Variants in DMBX1 observed in about 807,000 individuals in gnomAD.
DMBX1 encodes the protein diencephalon/mesencephalon homeobox 1.
Under a neutral mutation model 30.4 loss-of-function variants are expected in DMBX1, and 7 were observed. That is an observed-to-expected ratio of 0.23 (90% confidence interval 0.13 to 0.43). The LOEUF (loss-of-function observed/expected upper bound fraction) is 0.43. DMBX1 is among the 20% of genes least tolerant of loss of function. The probability of loss-of-function intolerance (pLI) is 1.00; values close to 1 mark genes in which losing one functional copy is unlikely to be tolerated. For missense variants in DMBX1, 460 were observed against 508.5 expected (o/e 0.90, Z 0.92); for synonymous variants, 222 against 214.2 (o/e 1.04, Z -0.32).
At position 46,510,472 on chromosome 1, in the gene DMBX1, C is replaced by T. The variant is rs1293764682; in HGVS notation, c.155-4C>T. 17 of 1,613,478 alleles carry T rather than the reference C, an allele frequency of 1.1e-5. No homozygotes were observed. Among genetic ancestry groups the T allele is most frequent in the Non-Finnish European group, 1.4e-5 (16 of 1,179,876 alleles). The stretch of plus-strand genomic sequence containing the variant: ...CTTGCCCTCCAACGGCTGTACATTT[C>T]AAGACATCATCTTGGAGGCCCGTTA... On this transcript the variant is annotated splice_region_variant and splice_polypyrimidine_tract_variant and intron_variant, in intron 3 of 5. Transcript: ENST00000360032. This position sits in a 1 kb window ranked among gnomAD's most constrained non-coding sequence, Gnocchi z 4.1.
In DMBX1 at chr1:46,512,428, C is replaced by G; in HGVS notation, c.1068C>G (p.Ile356Met). 1.2e-6 allele frequency: 2 copies of G among 1,613,868 alleles called. No individual in the cohort carries two copies. Among genetic ancestry groups the G allele is most frequent in the Non-Finnish European group, 1.7e-6 (2 of 1,179,988 alleles). Residue 356 changes from isoleucine to methionine, a missense_variant, in exon 6 of 6, where the codon ATC becomes ATG. Coordinates refer to ENST00000360032, the MANE Select transcript of DMBX1 (RefSeq NM_172225.2). The surrounding 1 kb of genome is among the most constrained non-coding windows in gnomAD (Gnocchi z 4.8). ...CCCTGAACAGTAAAACCACAAGCAT[C>G]GAGAACCTGCGGCTCCGGGCCAAGC... ...SATLNSKTTS[I>M]ENLRLRAKQH...
At position 46,510,976 on chromosome 1, in the gene DMBX1, G is replaced by T. The variant is rs1289184464; in HGVS notation, c.375G>T (p.Gln125His). ...KNRRAKFRKK[Q>H]RSLQKEQLQK... ...GCCGGGCCAAGTTCCGGAAGAAGCA[G>T]CGTAGCCTGCAGAAGGAACAGCTCC... Residue 125 changes from glutamine to histidine, a missense_variant, in exon 5 of 6, where the codon CAG becomes CAT. Physicochemically the swap from Gln to His is conservative, Grantham distance 24. Coordinates refer to ENST00000360032, the MANE Select transcript of DMBX1 (RefSeq NM_172225.2). The surrounding 1 kb of genome is among the most constrained non-coding windows in gnomAD (Gnocchi z 4.1). 6.2e-7 allele frequency: 1 copy of T among 1,612,972 alleles called. No individual in the cohort carries two copies. Among genetic ancestry groups the T allele is most frequent in the African/African-American group, 1.3e-5 (1 of 75,026 alleles).
intron 2 of DMBX1, among the ~76,000 whole-genome samples, chr1:46,506,465 A>G (rs1469307299): frequency 6.6e-6 from 1 of 152,266 alleles, no homozygotes; most frequent in African/African-American, 2.4e-5. Context: ...TAAGTGTGTG[A>G]GTGAATCAAT....
In DMBX1 at chr1:46,491,102, AG is replaced by A. The variant is rs1343230306; in HGVS notation, c.-13+323del. ...GGTCACAAATTCCCGGAACCTGCGC[AG>A]GGGCTTCGTTGGCACTGGTGGTTCA... On this transcript the variant is annotated intron_variant, in intron 2 of 5. Transcript: ENST00000360032. The surrounding 1 kb of genome is among the most constrained non-coding windows in gnomAD (Gnocchi z 5.5). Among the ~76,000 whole-genome samples, 1 of 152,300 alleles carries A rather than the reference AG, an allele frequency of 6.6e-6. No homozygotes were observed. Among genetic ancestry groups the A allele is most frequent in the East Asian group, 1.9e-4 (1 of 5,164 alleles).
intron 2 of DMBX1, among the ~76,000 whole-genome samples, chr1:46,496,111 T>A (rs1666020171): frequency 6.6e-6 from 1 of 152,162 alleles, no homozygotes; most frequent in Admixed American, 6.5e-5. Context: ...TTTCTGCACC[T>A]TTGAGTGCCT....
chr1:46,515,619 G>A lies in DMBX1; in HGVS notation c.*3125G>A, dbSNP rs1331907302. On this transcript the variant is annotated 3_prime_UTR_variant, in exon 6 of 6. Coordinates refer to ENST00000360032, the MANE Select transcript of DMBX1 (RefSeq NM_172225.2). Reference sequence around the variant, plus strand: ...CTTGGGTACTGAAAGCAGCTGGAGAGCAAGAGGAGAGGACACCTGTGTCTC... The same window carrying A: ...CTTGGGTACTGAAAGCAGCTGGAGAACAAGAGGAGAGGACACCTGTGTCTC... Among the ~76,000 whole-genome samples the A allele has an allele frequency of 6.6e-6, 1 of 152,264 alleles. No homozygotes were observed. The highest frequency in any genetic ancestry group is 1.5e-5 in the Non-Finnish European group (1 of 68,042).
chr1:46,507,961 AC>A (rs1187302323), intron 3 of DMBX1, among the ~76,000 whole-genome samples: 3 of 151,704 alleles, frequency 2.0e-5, no homozygotes, highest in Non-Finnish European at 2.9e-5. Flanking sequence ...CAAGGTAAGT[AC>A]CCATATATGC....
In DMBX1 at chr1:46,510,687, G is replaced by T; in HGVS notation, c.333+33G>T. On this transcript the variant is annotated intron_variant, in intron 4 of 5. Coordinates refer to ENST00000360032, the MANE Select transcript of DMBX1 (RefSeq NM_172225.2). The surrounding 1 kb of genome is among the most constrained non-coding windows in gnomAD (Gnocchi z 4.1). The stretch of plus-strand genomic sequence containing the variant: ...CCAACTCTCCTAACTAGGCCTTGCA[G>T]ACAAACACCAGCCCATCAGTCTGCC... 6.2e-7 allele frequency: 1 copy of T among 1,600,648 alleles called. No individual in the cohort carries two copies. The highest frequency in any genetic ancestry group is 1.1e-5 in the South Asian group (1 of 89,824).
At chr1:46,490,456 T>A (rs1345779971) in intron 1 of DMBX1, among the ~76,000 whole-genome samples, 188 bp from the exon 2 acceptor site, 2 of 146,576 alleles carry the variant, frequency 1.4e-5, no homozygotes, top group African/African-American at 2.5e-5. Flanking sequence ...GCCGGCGTAA[T>A]GCGGACCAGA....
In DMBX1 at chr1:46,512,825, C is replaced by T. The variant is rs2209172; in HGVS notation, c.*331C>T. 0.2 allele frequency: 64,836 copies of T among 325,822 alleles called. 6,929 individuals are homozygous for T. The highest frequency in any genetic ancestry group is 0.28 in the East Asian group (5,440 of 19,534). The allele number at this position is 325,822 out of a possible 1,614,324, so 20.2% of individuals were successfully genotyped here. A position where few individuals can be genotyped will look rare whatever the true frequency, so the allele number is the denominator to read the frequency against. ...CTCCCTTTTCTCCCTATCCTTCTGC[C>T]CCCTAGTAAGTCTACGTGTGGAATG... On this transcript the variant is annotated 3_prime_UTR_variant, in exon 6 of 6. Transcript: ENST00000360032. The surrounding 1 kb of genome is among the most constrained non-coding windows in gnomAD (Gnocchi z 4.8).
In DMBX1 at chr1:46,512,592, G is replaced by A. The variant is rs1472499709; in HGVS notation, c.*98G>A. 9 of 1,334,940 alleles carry A rather than the reference G, an allele frequency of 6.7e-6. No individual in the cohort carries two copies. In the East Asian group the frequency reaches 2.2e-4, roughly 32 times the overall value. The allele number at this position is 1,334,940 out of a possible 1,614,324, so 82.7% of individuals were successfully genotyped here. A position where few individuals can be genotyped will look rare whatever the true frequency, so the allele number is the denominator to read the frequency against. ...TCGAGGAGTTAACTCCATGAGCCCA[G>A]GGATCCTAGGGCCTGGGGTCCTGTT... On this transcript the variant is annotated 3_prime_UTR_variant, in exon 6 of 6. Coordinates refer to ENST00000360032, the MANE Select transcript of DMBX1 (RefSeq NM_172225.2). The surrounding 1 kb of genome is among the most constrained non-coding windows in gnomAD (Gnocchi z 4.8).
Position 46,493,997 on chromosome 1 carries a change from G to A in DMBX1, c.-13+3214G>A, listed in dbSNP as rs1001735840. Among the ~76,000 whole-genome samples the A allele has an allele frequency of 1.2e-4, 18 of 152,202 alleles. No homozygotes were observed. Among genetic ancestry groups the A allele is most frequent in the African/African-American group, 4.3e-4 (18 of 41,450 alleles). On this transcript the variant is annotated intron_variant, in intron 2 of 5. Transcript: ENST00000360032. The surrounding 1 kb of genome is among the most constrained non-coding windows in gnomAD (Gnocchi z 4.1). ...GGGCCAAGGCTAACTGAGCAGGCAGGGCCACCACTTCTGTACCCTGGAGAG... is the reference window on the plus strand; with the variant it reads ...GGGCCAAGGCTAACTGAGCAGGCAGAGCCACCACTTCTGTACCCTGGAGAG...
Position 46,493,238 on chromosome 1 carries a change from C to T in DMBX1, c.-13+2455C>T, listed in dbSNP as rs545234493. ...CCATTACCGAACGAGTAGGGAGGGG[C>T]GCTGGGGTGGGTTGGTGAGCTTTCG... On this transcript the variant is annotated intron_variant, in intron 2 of 5. Transcript: ENST00000360032. The surrounding 1 kb of genome is among the most constrained non-coding windows in gnomAD (Gnocchi z 4.1). Among the ~76,000 whole-genome samples the T allele has an allele frequency of 1.1e-4, 17 of 152,268 alleles. No individual in the cohort carries two copies. The highest frequency in any genetic ancestry group is 2.4e-4 in the African/African-American group (10 of 41,550).
At chr1:46,511,717 G>A (rs1166128554) in intron 5 of DMBX1, among the ~76,000 whole-genome samples, 1 of 152,152 alleles carries the variant, frequency 6.6e-6, no homozygotes, top group Non-Finnish European at 1.5e-5. Context: ...GAGGGGACAG[G>A]GGCTGTGAGC....
At chr1:46,508,386 A>G (rs1016262195) in intron 3 of DMBX1, among the ~76,000 whole-genome samples, 16 of 152,110 alleles carry the variant, frequency 1.1e-4, no homozygotes, top group Non-Finnish European at 1.5e-5. Context: ...CAGAAATGGG[A>G]TGGGATCTCC....
At chr1:46,497,151 C>A (rs921933392) in intron 2 of DMBX1, among the ~76,000 whole-genome samples, 2 of 152,172 alleles carry the variant, frequency 1.3e-5, no homozygotes, top group Admixed American at 6.5e-5. Flanking sequence ...GACCTGGATT[C>A]CCATCCTGCC....
chr1:46,508,121 T>G lies in DMBX1; in HGVS notation c.154+957T>G, dbSNP rs533117858. Among the ~76,000 whole-genome samples the G allele has an allele frequency of 9.9e-5, 15 of 151,900 alleles. No individual in the cohort carries two copies. In the South Asian group the frequency reaches 3.1e-3, roughly 32 times the overall value. ...AGGTGGTGCCACCCACCCCATCCTG[T>G]CCCAGGTCCAGCCTTGAGCAGCTGG... On this transcript the variant is annotated intron_variant, in intron 3 of 5. Transcript: ENST00000360032.
chr1:46,498,024 GGCCTCTGTTTAGAGGCTCC>G (rs1361636822), intron 2 of DMBX1, among the ~76,000 whole-genome samples: 1 of 152,180 alleles, frequency 6.6e-6, no homozygotes, highest in Non-Finnish European at 1.5e-5. Context: ...AAGAGTGCAG[GGCCTCTGTTTAGAGGCTCC>G]TGCAGGCCTT....
intron 2 of DMBX1, among the ~76,000 whole-genome samples, chr1:46,505,785 T>TA (rs71572613): frequency 0.029 from 4,185 of 143,466 alleles, 157 homozygotes; most frequent in African/African-American, 0.097. Context: ...AACTTCTACT[T>TA]AAAAAAAAAA....
Sources: allele counts gnomAD v4.1 joint callset (sites outside exome capture counted in the v4.1 genomes callset), GRCh38; gene constraint gnomAD v4.1.1; non-coding constraint Gnocchi (gnomAD v3.1); transcripts MANE v1.5; gene names NCBI Gene and HGNC (gene_info 2026-07-23, HGNC 2026-07-21).